The following NALF1 variants were observed in gnomAD, a reference collection of about 807,000 sequenced individuals.
The protein encoded by NALF1 is family with sequence similarity 155 member A.
A neutral mutation model predicts 48.4 loss-of-function variants in NALF1; 3 were observed. The ratio of observed to expected loss-of-function variants is 0.06; its 90% confidence interval spans 0.03 to 0.16. The LOEUF is 0.16. Among genes scored for constraint, NALF1 ranks in the 10% least tolerant of loss-of-function variants. NALF1 has a pLI of 1.00. For synonymous variants in NALF1, 262 were observed against 245.7 expected (o/e 1.07, Z -0.62); for missense variants, 526 against 571.5 (o/e 0.92, Z 0.81).
At chr13:107,353,289 T>A (rs1173290599) in intron 1 of NALF1, among the ~76,000 whole-genome samples, 1 of 152,196 alleles carries the variant, frequency 6.6e-6, no homozygotes, top group Non-Finnish European at 1.5e-5. Context: ...TTATGTCAGT[T>A]TTTTAGTGAA....
intron 1 of NALF1, among the ~76,000 whole-genome samples, chr13:107,513,464 A>G (rs1417414094): frequency 6.6e-6 from 1 of 152,108 alleles, no homozygotes; most frequent in East Asian, 1.9e-4. Context: ...TACTGTGGGA[A>G]ACTAGCCATT....
chr13:107,478,637 G>A (rs1166919082), intron 1 of NALF1, among the ~76,000 whole-genome samples: 1 of 147,190 alleles, frequency 6.8e-6, no homozygotes, highest in Non-Finnish European at 1.5e-5. Flanking sequence ...ACCTAAAAGA[G>A]TTCAACAAAG....
At chr13:107,849,024 C>T (rs193050939) in intron 1 of NALF1, among the ~76,000 whole-genome samples, 31 of 152,264 alleles carry the variant, frequency 2.0e-4, no homozygotes, top group African/African-American at 6.3e-4. Context: ...ATAACAAACA[C>T]CCCAAAATGT....
chr13:107,703,150 C>T (rs538123990), intron 1 of NALF1, among the ~76,000 whole-genome samples: 1 of 152,204 alleles, frequency 6.6e-6, no homozygotes, highest in South Asian at 2.1e-4. Flanking sequence ...ATATTCAACC[C>T]TGTCACTCTT....
chr13:107,283,694 C>G (rs1881434647), intron 1 of NALF1, among the ~76,000 whole-genome samples: 1 of 151,676 alleles, frequency 6.6e-6, no homozygotes, highest in Admixed American at 6.6e-5. Context: ...GAGTCTCGCT[C>G]TGTTGCCCAG....
At chr13:107,227,821 C>T (rs888536961) in intron 1 of NALF1, among the ~76,000 whole-genome samples, 1 of 152,024 alleles carries the variant, frequency 6.6e-6, no homozygotes, top group African/African-American at 2.4e-5. Flanking sequence ...AGTTAGTAAC[C>T]GAATCTCATA....
At chr13:107,638,207 A>ATATATATATATATATGTATGT (rs533265281) in intron 1 of NALF1, among the ~76,000 whole-genome samples, 2 of 142,634 alleles carry the variant, frequency 1.4e-5, no homozygotes, top group East Asian at 2.4e-4. Context: ...ATATATATAT[A>ATATATATATATATATGTATGT]ATTTAAGATG....
intron 2 of NALF1, among the ~76,000 whole-genome samples, chr13:107,205,687 G>A (rs1156672910): frequency 1.3e-5 from 2 of 152,168 alleles, no homozygotes; most frequent in African/African-American, 2.4e-5. Context: ...TCCATTGTCA[G>A]TAACCCCCAG....
intron 1 of NALF1, among the ~76,000 whole-genome samples, chr13:107,648,487 T>C (rs1181829409): frequency 1.3e-5 from 2 of 152,204 alleles, no homozygotes; most frequent in Non-Finnish European, 2.9e-5. Context: ...ATTTAATGTT[T>C]ATCTGTGTCT....
chr13:107,694,525 T>G (rs1881654691), intron 1 of NALF1, among the ~76,000 whole-genome samples: 1 of 152,090 alleles, frequency 6.6e-6, no homozygotes, highest in Non-Finnish European at 1.5e-5. Flanking sequence ...GAGGTGGAGA[T>G]CTGCATATAA....
intron 1 of NALF1, among the ~76,000 whole-genome samples, chr13:107,711,349 T>C (rs1441666344): frequency 6.6e-6 from 1 of 152,216 alleles, no homozygotes; most frequent in African/African-American, 2.4e-5. Flanking sequence ...TATTTATTTA[T>C]TTTTGAGACG....
At chr13:107,779,641 T>G (rs367821312) in intron 1 of NALF1, among the ~76,000 whole-genome samples, 1 of 152,244 alleles carries the variant, frequency 6.6e-6, no homozygotes, top group East Asian at 1.9e-4. Flanking sequence ...GCACTCGTTC[T>G]GTAGTCTGCC....
chr13:107,659,230 A>G (rs1048344869), intron 1 of NALF1, among the ~76,000 whole-genome samples: 5 of 152,046 alleles, frequency 3.3e-5, no homozygotes, highest in Non-Finnish European at 7.4e-5. Flanking sequence ...GCCACCCACC[A>G]GGGTGAATCA....
intron 2 of NALF1, among the ~76,000 whole-genome samples, chr13:107,208,918 TA>T: frequency 6.6e-6 from 1 of 151,930 alleles, no homozygotes; most frequent in East Asian, 1.9e-4. Flanking sequence ...AGGAGCTACA[TA>T]AAAAATGACT....
At chr13:107,598,596 G>C (rs1211373942) in intron 1 of NALF1, among the ~76,000 whole-genome samples, 4 of 152,128 alleles carry the variant, frequency 2.6e-5, no homozygotes, top group Non-Finnish European at 4.4e-5. Context: ...TCTCAGACTT[G>C]TTTATAAGCA....
At chr13:107,834,214 T>C (rs932973992) in intron 1 of NALF1, among the ~76,000 whole-genome samples, 4 of 152,192 alleles carry the variant, frequency 2.6e-5, no homozygotes, top group Admixed American at 1.3e-4. Flanking sequence ...TACTATGCCA[T>C]GTTAAATATG....
intron 1 of NALF1, among the ~76,000 whole-genome samples, chr13:107,862,999 AT>A (rs1278569772): frequency 6.6e-6 from 1 of 151,320 alleles, no homozygotes; most frequent in African/African-American, 2.4e-5. Flanking sequence ...GATTTTATGT[AT>A]TCTTTTCTCT....
intron 1 of NALF1, among the ~76,000 whole-genome samples, chr13:107,263,615 C>T (rs1341733099): frequency 6.6e-6 from 1 of 152,074 alleles, no homozygotes; most frequent in Non-Finnish European, 1.5e-5. Context: ...AAGGGGAAAT[C>T]CCTTTCATTT....
At chr13:107,603,593 A>G (rs1368080269) in intron 1 of NALF1, among the ~76,000 whole-genome samples, 1 of 152,230 alleles carries the variant, frequency 6.6e-6, no homozygotes, top group Non-Finnish European at 1.5e-5. Context: ...TCTCCTTTTA[A>G]TAACAGATGA....
Sources: allele counts gnomAD v4.1 joint callset (sites outside exome capture counted in the v4.1 genomes callset), GRCh38; gene constraint gnomAD v4.1.1; transcripts MANE v1.5; gene names NCBI Gene and HGNC (gene_info 2026-07-23, HGNC 2026-07-21).